BBOX1: variants seen among roughly 807,000 people sequenced by gnomAD.
The protein encoded by BBOX1 is gamma-butyrobetaine hydroxylase 1.
BBOX1 carries 35 observed loss-of-function variants against 41.6 expected under a neutral mutation model. That is an observed-to-expected ratio of 0.84 (90% CI 0.64 to 1.11). The LOEUF (loss-of-function observed/expected upper bound fraction) is 1.11, where lower values mean the gene tolerates loss of function less well. Ranked by LOEUF, BBOX1 falls within the 50% of genes most tolerant of loss-of-function variation. The pLI, the probability that BBOX1 is intolerant of heterozygous loss-of-function variation, is 0.00. For synonymous variants in BBOX1, 163 were observed against 154.7 expected (o/e 1.05, Z -0.40); for missense variants, 458 against 460.6 (o/e 0.99, Z 0.05).
chr11:27,092,498 T>G (rs1208202977), intron 4 of BBOX1, among the ~76,000 whole-genome samples: 1 of 152,034 alleles, frequency 6.6e-6, no homozygotes, highest in Non-Finnish European at 1.5e-5. Context: ...TTCTGTTTTC[T>G]CAATTAAGCA....
intron 4 of BBOX1, among the ~76,000 whole-genome samples, chr11:27,062,705 G>A (rs1219264073): frequency 1.3e-5 from 2 of 151,968 alleles, no homozygotes; most frequent in Non-Finnish European, 2.9e-5. Flanking sequence ...GTGCTACAAG[G>A]ACTACCGGCA....
rs112862338 is a variant in BBOX1 at position 27,113,553 on chromosome 11, A to G, written c.534-1899A>G. Among the ~76,000 whole-genome samples, 770 of 151,908 alleles carry G rather than the reference A, an allele frequency of 5.1e-3. 3 individuals are homozygous for G. Among genetic ancestry groups the G allele is most frequent in the African/African-American group, 0.017 (711 of 41,510 alleles). ...TTATCCTAAGCAAACTAACACAGGAACAGAAAACCCAATACAGCATGTTTT... is the reference window on the plus strand; with the variant it reads ...TTATCCTAAGCAAACTAACACAGGAGCAGAAAACCCAATACAGCATGTTTT... On this transcript the variant is annotated intron_variant, in intron 5 of 8. Transcript: ENST00000263182.
chr11:27,051,696 C>T (rs1362884372), intron 2 of BBOX1, among the ~76,000 whole-genome samples: 3 of 151,772 alleles, frequency 2.0e-5, no homozygotes, highest in Non-Finnish European at 4.4e-5. Context: ...TTTGAGTCTT[C>T]TCTCTTTGTT....
At chr11:27,115,391 T>C in intron 5 of BBOX1, 61 bp from the exon 6 acceptor site, 1 of 1,315,674 alleles carries the variant, frequency 7.6e-7, no homozygotes, top group South Asian at 1.3e-5. Context: ...AAATTCATTC[T>C]AATGCATTTC....
intron 2 of BBOX1, 82 bp from the exon 3 acceptor site, chr11:27,055,311 T>C: frequency 1.1e-6 from 1 of 881,982 alleles, no homozygotes; most frequent in South Asian, 1.7e-5. Context: ...GAGGCCAGAG[T>C]CCACTTGAAG....
chr11:27,055,852 C>G (rs1474166429), intron 3 of BBOX1, among the ~76,000 whole-genome samples: 1 of 152,132 alleles, frequency 6.6e-6, no homozygotes, highest in Non-Finnish European at 1.5e-5. Context: ...ATTACTACTA[C>G]TATTTTTAAT....
intron 4 of BBOX1, among the ~76,000 whole-genome samples, chr11:27,092,087 C>T (rs1024864453): frequency 3.3e-4 from 50 of 151,926 alleles, no homozygotes; most frequent in African/African-American, 1.1e-3. Context: ...CTGACGCCTA[C>T]AAAAATTCCT....
chr11:27,091,537 A>G (rs1054880246), intron 4 of BBOX1, among the ~76,000 whole-genome samples: 1 of 151,966 alleles, frequency 6.6e-6, no homozygotes, highest in Non-Finnish European at 1.5e-5. Context: ...CTCTGGTCTA[A>G]TAAAACATGG....
At chr11:27,050,735 CT>C (rs1459554306) in intron 2 of BBOX1, among the ~76,000 whole-genome samples, 1 of 152,026 alleles carries the variant, frequency 6.6e-6, no homozygotes, top group Non-Finnish European at 1.5e-5. Context: ...AAAGTTTTTT[CT>C]GCAGTCTTTA....
intron 3 of BBOX1, among the ~76,000 whole-genome samples, chr11:27,056,087 T>C (rs1237672268): frequency 6.6e-6 from 1 of 152,154 alleles, no homozygotes; most frequent in Non-Finnish European, 1.5e-5. Context: ...GATAGAAATG[T>C]TGTTTACTCT....
At chr11:27,056,172 T>C (rs959492781) in intron 3 of BBOX1, among the ~76,000 whole-genome samples, 9 of 152,232 alleles carry the variant, frequency 5.9e-5, no homozygotes, top group Admixed American at 5.2e-4. Flanking sequence ...AAATGTGTTA[T>C]GTCTATAGTA....
At chr11:27,083,773 T>C (rs1477447916) in intron 4 of BBOX1, among the ~76,000 whole-genome samples, 1 of 152,216 alleles carries the variant, frequency 6.6e-6, no homozygotes, top group East Asian at 1.9e-4. Context: ...TGATCATATC[T>C]ATCTTTATTC....
At chr11:27,115,024 A>C (rs1376241813) in intron 5 of BBOX1, among the ~76,000 whole-genome samples, 1 of 151,848 alleles carries the variant, frequency 6.6e-6, no homozygotes, top group Non-Finnish European at 1.5e-5. Flanking sequence ...GAGTAATATA[A>C]ACGTTTTGAA....
chr11:27,051,731 A>G (rs759452113), intron 2 of BBOX1, among the ~76,000 whole-genome samples: 11 of 151,560 alleles, frequency 7.3e-5, no homozygotes, highest in Non-Finnish European at 1.5e-4. Context: ...ATGGTTTGTC[A>G]ATTCTACCTT....
chr11:27,042,632 T>G (rs867962810), intron 2 of BBOX1, among the ~76,000 whole-genome samples: 3 of 152,098 alleles, frequency 2.0e-5, no homozygotes, highest in African/African-American at 7.2e-5. Context: ...TACAGGCCAC[T>G]GTACCTGGCT....
chr11:27,041,523 G>C (rs1171362385), intron 2 of BBOX1, 45 bp downstream of exon 2: 1 of 152,110 alleles, frequency 6.6e-6, no homozygotes, highest in African/African-American at 2.4e-5. Context: ...CTGAGAACAG[G>C]TATGATTGAG....
intron 4 of BBOX1, among the ~76,000 whole-genome samples, chr11:27,088,720 G>A (rs1270780389): frequency 6.6e-6 from 1 of 151,944 alleles, no homozygotes. Flanking sequence ...ATATGCAGTT[G>A]TTAAAATTAT....
chr11:27,087,752 C>G (rs550387439), intron 4 of BBOX1, among the ~76,000 whole-genome samples: 1 of 152,042 alleles, frequency 6.6e-6, no homozygotes, highest in African/African-American at 2.4e-5. Flanking sequence ...TTAGGAGAGG[C>G]TCATATTGGT....
chr11:27,068,838 C>A (rs1857363294), intron 4 of BBOX1, among the ~76,000 whole-genome samples: 1 of 151,946 alleles, frequency 6.6e-6, no homozygotes, highest in African/African-American at 2.4e-5. Context: ...TATCTTTTCC[C>A]CAATTTATAG....
Sources: allele counts gnomAD v4.1 joint callset (sites outside exome capture counted in the v4.1 genomes callset), GRCh38; gene constraint gnomAD v4.1.1; transcripts MANE v1.5; gene names NCBI Gene and HGNC (gene_info 2026-07-23, HGNC 2026-07-21).